VSTM4: variants seen among roughly 807,000 people sequenced by gnomAD.
VSTM4 encodes the protein V-set and transmembrane domain-containing protein 4.
VSTM4 carries 20 observed loss-of-function variants against 36.4 expected under a neutral mutation model. The observed-to-expected ratio is 0.55, with a 90% CI of 0.39 to 0.80. VSTM4 has a LOEUF of 0.80. VSTM4 is among the 30% of genes least tolerant of loss of function. The pLI, the probability that VSTM4 is intolerant of heterozygous loss-of-function variation, is 0.00. For synonymous variants in VSTM4, 182 were observed against 173.9 expected (o/e 1.05, Z -0.37); for missense variants, 392 against 404.5 (o/e 0.97, Z 0.26).
At chr10:49,030,386 T>C (rs1843327153) in intron 7 of VSTM4, among the ~76,000 whole-genome samples, 1 of 152,188 alleles carries the variant, frequency 6.6e-6, no homozygotes, top group Non-Finnish European at 1.5e-5. Context: ...ACATGGGGCC[T>C]AGGCACTCTC....
At chr10:49,048,730 G>A (rs1843653246) in intron 5 of VSTM4, 146 bp from the exon 6 acceptor site, 2 of 637,848 alleles carry the variant, frequency 3.1e-6, no homozygotes, top group East Asian at 3.1e-5. Flanking sequence ...GGGTAGACTG[G>A]AAACACTCTG....
chr10:49,049,743 G>A (rs144023506), intron 5 of VSTM4, among the ~76,000 whole-genome samples: 3 of 137,042 alleles, frequency 2.2e-5, no homozygotes, highest in Non-Finnish European at 4.8e-5. Context: ...TCCAGTTAAA[G>A]TATACTGACT....
chr10:49,107,893 C>A lies in VSTM4; in HGVS notation c.158G>T (p.Arg53Leu). 2 of 1,614,176 alleles carry A rather than the reference C, an allele frequency of 1.2e-6. No homozygotes were observed. Among genetic ancestry groups the A allele is most frequent in the Non-Finnish European group, 1.7e-6 (2 of 1,180,024 alleles). Residue 53 changes from arginine (R) to leucine (L), a missense_variant, in exon 2 of 8, where the codon CGG (arginine) becomes CTG (leucine). Transcript: ENST00000332853. ...TLLCHVSQKR[R>L]KDSLLAVRWF... ...GCGCACGGCCAGCAAGCTGTCCTTCCGCCTTTTCTGGGAGACGTGGCAGAG... is the reference window on the plus strand; with the variant it reads ...GCGCACGGCCAGCAAGCTGTCCTTCAGCCTTTTCTGGGAGACGTGGCAGAG...
chr10:49,034,483 G>A (rs1003446610), intron 7 of VSTM4, among the ~76,000 whole-genome samples: 2 of 152,100 alleles, frequency 1.3e-5, no homozygotes, highest in African/African-American at 4.8e-5. Flanking sequence ...AATTTATGAG[G>A]CTATGTCTTA....
Position 49,109,795 on chromosome 10 carries a change from C to T in VSTM4, c.56-1800G>A, listed in dbSNP as rs186817583. ...AATGTGTAGCCAAAGGAGGGACCCA[C>T]TCTGGTAGCAATCCCGCTGTCATCA... On this transcript the variant is annotated intron_variant, in intron 1 of 7. Transcript: ENST00000332853. Among the ~76,000 whole-genome samples the T allele has an allele frequency of 2.9e-4, 44 of 152,352 alleles. No homozygotes were observed. In the East Asian group the frequency reaches 7.5e-3, roughly 26 times the overall value.
At chr10:49,108,762 G>A (rs1054898509) in intron 1 of VSTM4, among the ~76,000 whole-genome samples, 5 of 152,170 alleles carry the variant, frequency 3.3e-5, no homozygotes, top group Admixed American at 3.3e-4. Flanking sequence ...CCTGTCCTTT[G>A]GTTCCTTAGT....
chr10:49,077,170 T>C (rs1844192983), intron 4 of VSTM4, 49 bp downstream of exon 4: 1 of 1,570,380 alleles, frequency 6.4e-7, no homozygotes, highest in Non-Finnish European at 8.7e-7. Flanking sequence ...CGCCCGTCTG[T>C]GGTCGGGGTG....
At chr10:49,103,805 T>C in intron 2 of VSTM4, 1 of 1,614,016 alleles carries the variant, frequency 6.2e-7, no homozygotes, top group Non-Finnish European at 8.5e-7. Context: ...AGTGAGGTAG[T>C]ATTACAAGGG....
At chr10:49,103,635 C>T (rs1653789000) in intron 2 of VSTM4, 1 of 1,516,006 alleles carries the variant, frequency 6.6e-7, no homozygotes, top group Admixed American at 2.3e-5. Flanking sequence ...CGCAAGTCAC[C>T]CTCCATGTGC....
intron 2 of VSTM4, among the ~76,000 whole-genome samples, chr10:49,098,127 C>T (rs1844605895): frequency 1.3e-5 from 2 of 152,160 alleles, no homozygotes; most frequent in Admixed American, 1.3e-4. Context: ...AACCCCCCTG[C>T]TTATGCTCCC....
chr10:49,020,727 A>AGAAG (rs1164757548), intron 7 of VSTM4, among the ~76,000 whole-genome samples: 19,415 of 74,476 alleles, frequency 0.26, 2,969 homozygotes, highest in South Asian at 0.57. Flanking sequence ...GAAGGAAAGA[A>AGAAG]GAAGGAAGGA....
At chr10:49,090,824 C>T (rs1422752018) in intron 2 of VSTM4, among the ~76,000 whole-genome samples, 3 of 152,196 alleles carry the variant, frequency 2.0e-5, no homozygotes, top group Admixed American at 2.0e-4. Flanking sequence ...AGTCTCATCA[C>T]CCCAGCTGCT....
Position 49,017,249 on chromosome 10 carries a change from C to T in VSTM4, c.*2401G>A, listed in dbSNP as rs1843117000. 1 of 152,220 alleles carries T rather than the reference C, an allele frequency of 6.6e-6. No individual in the cohort carries two copies. The allele number at this position is 152,220 out of a possible 1,614,324, so 9.4% of individuals were successfully genotyped here. ...TCAATATATCCTCTCAAACAAGCAC[C>T]TGATACAAGTCATCCATTGCTTCCA... On this transcript the variant is annotated 3_prime_UTR_variant, in exon 8 of 8. Coordinates refer to ENST00000332853, the MANE Select transcript of VSTM4 (RefSeq NM_001031746.5).
intron 7 of VSTM4, among the ~76,000 whole-genome samples, chr10:49,041,035 A>T (rs1843513801): frequency 6.6e-6 from 1 of 152,190 alleles, no homozygotes; most frequent in South Asian, 2.1e-4. Flanking sequence ...TAAATTATCC[A>T]CTAACTTTGT....
intron 5 of VSTM4, among the ~76,000 whole-genome samples, chr10:49,061,003 A>T (rs879728917): frequency 6.6e-6 from 1 of 152,188 alleles, no homozygotes; most frequent in Non-Finnish European, 1.5e-5. Context: ...TGGACTCTCA[A>T]TTATGCTACA....
intron 3 of VSTM4, among the ~76,000 whole-genome samples, chr10:49,082,453 C>T (rs984375230): frequency 2.6e-5 from 4 of 152,152 alleles, no homozygotes; most frequent in Non-Finnish European, 4.4e-5. Flanking sequence ...CACCTGAGGT[C>T]GGGAGTTCGA....
In VSTM4 at chr10:49,019,794, A is replaced by C. The variant is rs933506152; in HGVS notation, c.838-19T>G. On this transcript the variant is annotated intron_variant, in intron 7 of 7. Coordinates refer to ENST00000332853, the MANE Select transcript of VSTM4 (RefSeq NM_001031746.5). ...TCTTTGGCTATAAAAGAAAAAACAA[A>C]ACAAAACACAATTCTAGCTGACCAC... is the stretch of plus-strand genomic sequence containing the variant. The C allele has an allele frequency of 6.2e-7, 1 of 1,606,118 alleles. No homozygotes were observed.
intron 7 of VSTM4, among the ~76,000 whole-genome samples, chr10:49,033,470 A>C (rs568869821): frequency 6.6e-6 from 1 of 152,362 alleles, no homozygotes; most frequent in African/African-American, 2.4e-5. Flanking sequence ...ATATATGCCA[A>C]ACTCCTGACA....
At chr10:49,081,218 CAGG>C (rs1844272392) in intron 3 of VSTM4, among the ~76,000 whole-genome samples, 1 of 152,212 alleles carries the variant, frequency 6.6e-6, no homozygotes, top group African/African-American at 2.4e-5. Flanking sequence ...CCCTTGCTGG[CAGG>C]AGAAGATGGT....
Sources: gnomAD v4.1 joint callset for allele counts (sites outside exome capture counted in the v4.1 genomes callset) on GRCh38, gnomAD v4.1.1 for gene constraint, MANE v1.5 for transcripts, NCBI Gene and HGNC (gene_info 2026-07-23, HGNC 2026-07-21) for gene names.